The following LRRC9 variants were observed in gnomAD, a reference collection of about 807,000 sequenced individuals.
The protein encoded by LRRC9 is leucine rich repeat containing 9.
Under a neutral mutation model 63.2 loss-of-function variants are expected in LRRC9, and 122 were observed. That is an observed-to-expected ratio of 1.93 (90% CI 1.67 to 2.24). The LOEUF (loss-of-function observed/expected upper bound fraction) is 2.24. Among genes scored for constraint, LRRC9 ranks in the 30% most tolerant of loss-of-function variants. The probability of loss-of-function intolerance (pLI) is 0.00; values close to 1 mark genes in which losing one functional copy is unlikely to be tolerated. For synonymous variants in LRRC9, 366 were observed against 213.1 expected (o/e 1.72, Z -6.25); for missense variants, 1,071 against 627.7 (o/e 1.71, Z -7.55).
intron 18 of LRRC9, among the ~76,000 whole-genome samples, chr14:59,998,838 T>G (rs1358785270): frequency 2.0e-5 from 3 of 152,052 alleles, no homozygotes; most frequent in Admixed American, 6.6e-5. Flanking sequence ...GTTGTTCTTT[T>G]AACACTTTTC....
intron 29 of LRRC9, among the ~76,000 whole-genome samples, chr14:60,039,394 G>A (rs1892738061): frequency 6.6e-6 from 1 of 152,042 alleles, no homozygotes; most frequent in African/African-American, 2.4e-5. Flanking sequence ...TTCTGGTCTT[G>A]GACTTTTTTT....
At position 60,057,863 on chromosome 14, in the gene LRRC9, T is replaced by C. The variant is rs1894399651; in HGVS notation, c.4132-15T>C. The C allele has an allele frequency of 4.7e-6, 3 of 643,262 alleles. No individual in the cohort carries two copies. The highest frequency in any genetic ancestry group is 8.7e-6 in the Non-Finnish European group (3 of 343,952). The allele number at this position is 643,262 out of a possible 1,614,324, so 39.8% of individuals were successfully genotyped here. On this transcript the variant is annotated splice_polypyrimidine_tract_variant and intron_variant, in intron 30 of 31. Transcript: ENST00000445360. ...GGAGATGAGATGTTATTAACTGTTTTATTTTATTATGTAGCTTATTCCTGT... is the reference window on the plus strand; with the variant it reads ...GGAGATGAGATGTTATTAACTGTTTCATTTTATTATGTAGCTTATTCCTGT...
downstream of LRRC9, among the ~76,000 whole-genome samples, chr14:60,065,472 G>A (rs915106486): frequency 6.6e-6 from 1 of 150,388 alleles, no homozygotes; most frequent in Non-Finnish European, 1.5e-5. Flanking sequence ...ACAAGGCAAA[G>A]CCCCATCCCT....
At chr14:59,924,163 C>T (rs1308906188) in intron 1 of LRRC9, among the ~76,000 whole-genome samples, 1 of 152,138 alleles carries the variant, frequency 6.6e-6, no homozygotes, top group African/African-American at 2.4e-5. Context: ...TGAAGGGAAG[C>T]GTTTGTCCTT....
intron 17 of LRRC9, among the ~76,000 whole-genome samples, chr14:59,991,250 G>A (rs760621466): frequency 6.6e-6 from 1 of 152,058 alleles, no homozygotes; most frequent in Non-Finnish European, 1.5e-5. Flanking sequence ...TACTAAAATG[G>A]ACAATTTCTA....
chr14:60,048,328 T>G (rs1490844868), intron 29 of LRRC9, among the ~76,000 whole-genome samples: 1 of 151,782 alleles, frequency 6.6e-6, no homozygotes, highest in Non-Finnish European at 1.5e-5. Flanking sequence ...GAAAATCCCT[T>G]CAAAAAATCA....
intron 23 of LRRC9, among the ~76,000 whole-genome samples, chr14:60,008,491 A>C (rs949676554): frequency 6.6e-6 from 1 of 152,186 alleles, no homozygotes; most frequent in African/African-American, 2.4e-5. Context: ...ACACAATTTT[A>C]TGGGACAGGA....
intron 17 of LRRC9, among the ~76,000 whole-genome samples, chr14:59,988,361 G>A (rs1035550174): frequency 7.9e-5 from 12 of 152,158 alleles, no homozygotes; most frequent in Admixed American, 5.2e-4. Flanking sequence ...TGTTGCATGC[G>A]TGCACGCATG....
chr14:59,931,954 G>A lies in LRRC9; in HGVS notation c.473-15G>A, dbSNP rs1020893645. ...AAGGTAAAATAATTGAATTCTTTTC[G>A]TCTATTTTTTAAAGGTCGATGTCTT... On this transcript the variant is annotated splice_polypyrimidine_tract_variant and intron_variant, in intron 5 of 31. Transcript: ENST00000445360. 6.7e-5 allele frequency: 47 copies of A among 696,888 alleles called. No individual in the cohort carries two copies. Among genetic ancestry groups the A allele is most frequent in the Non-Finnish European group, 9.9e-5 (38 of 382,774 alleles). 43.2% of individuals were successfully genotyped at this position (696,888 alleles called of 1,614,324 possible). A position where few individuals can be genotyped will look rare whatever the true frequency, so the allele number is the denominator to read the frequency against.
chr14:59,937,566 T>A (rs558764505), intron 6 of LRRC9, among the ~76,000 whole-genome samples: 155 of 152,156 alleles, frequency 1.0e-3, no homozygotes, highest in African/African-American at 3.6e-3. Flanking sequence ...AGGAGCAGCA[T>A]GAGTAAAGGT....
chr14:59,999,415 A>G (rs1325163104), intron 19 of LRRC9, among the ~76,000 whole-genome samples, 189 bp downstream of exon 19: 1 of 152,038 alleles, frequency 6.6e-6, no homozygotes, highest in African/African-American at 2.4e-5. Flanking sequence ...AAATCGTTGT[A>G]TGGATTCTCT....
At chr14:60,061,907 T>C (rs924186368) in intron 31 of LRRC9, 104 bp from the exon 32 acceptor site, 3 of 396,152 alleles carry the variant, frequency 7.6e-6, no homozygotes, top group Non-Finnish European at 1.3e-5. Context: ...TTGCATACAT[T>C]CCGCTGAAGG....
chr14:60,004,215 A>C lies in LRRC9; in HGVS notation c.2842+417A>C, dbSNP rs536035687. Among the ~76,000 whole-genome samples, 4 of 152,178 alleles carry C rather than the reference A, an allele frequency of 2.6e-5. No homozygotes were observed. Among genetic ancestry groups the C allele is most frequent in the Non-Finnish European group, 4.4e-5 (3 of 68,008 alleles). ...TTATAATCTGTTACCAAACATTAGC[A>C]CATACCAACTAGTTAGTCATTAATG... is the stretch of plus-strand genomic sequence containing the variant. On this transcript the variant is annotated intron_variant, in intron 21 of 31. Transcript: ENST00000445360. The surrounding 1 kb of genome is among the most constrained non-coding windows in gnomAD (Gnocchi z 4.8).
At chr14:59,940,292 T>A (rs1253306726) in intron 7 of LRRC9, among the ~76,000 whole-genome samples, 1 of 152,126 alleles carries the variant, frequency 6.6e-6, no homozygotes, top group Admixed American at 6.6e-5. Context: ...CAGACCAAAA[T>A]GATTTTCAAA....
In LRRC9 at chr14:59,990,970, A is replaced by G. The variant is rs1888027283; in HGVS notation, c.2211+5746A>G. Among the ~76,000 whole-genome samples the G allele has an allele frequency of 6.6e-6, 1 of 152,204 alleles. No homozygotes were observed. Among genetic ancestry groups the G allele is most frequent in the African/African-American group, 2.4e-5 (1 of 41,458 alleles). ...TTGGAGCCTATAGAGCAACCTTGTC[A>G]TGTAGTTTTGTTGTAAACATTGTCC... On this transcript the variant is annotated intron_variant, in intron 17 of 31. Coordinates refer to ENST00000445360, the Ensembl canonical transcript of LRRC9. This position sits in a 1 kb window ranked among gnomAD's most constrained non-coding sequence, Gnocchi z 4.2.
Position 60,051,824 on chromosome 14 carries a change from C to T in LRRC9, c.3991-1241C>T, listed in dbSNP as rs997365675. ...ACCCAAAGCCCTGGAGACATGGGCTCACAAGGGGATCTCCCAATTTGTGGG... is the reference window on the plus strand; with the variant it reads ...ACCCAAAGCCCTGGAGACATGGGCTTACAAGGGGATCTCCCAATTTGTGGG... On this transcript the variant is annotated intron_variant, in intron 29 of 31. Transcript: ENST00000445360. The surrounding 1 kb of genome is among the most constrained non-coding windows in gnomAD (Gnocchi z 4.7). Among the ~76,000 whole-genome samples the T allele has an allele frequency of 8.5e-5, 13 of 152,200 alleles. No homozygotes were observed. The highest frequency in any genetic ancestry group is 3.1e-4 in the African/African-American group (13 of 41,444).
At position 59,975,130 on chromosome 14, in the gene LRRC9, T is replaced by TAC. The variant is rs1886080435; in HGVS notation, c.1639+423_1639+424insCA. Reference sequence around the variant, plus strand: ...ATATATATGTATATATATATATGTATATATATATACATATATATATGTATA... The same window carrying TAC: ...ATATATATGTATATATATATATGTATACATATATATACATATATATATGTATA... On this transcript the variant is annotated intron_variant, in intron 13 of 31. Transcript: ENST00000445360. Among the ~76,000 whole-genome samples, 2 of 11,562 alleles carry TAC rather than the reference T, an allele frequency of 1.7e-4. 1 individual carries two copies. The highest frequency in any genetic ancestry group is 3.0e-4 in the African/African-American group (2 of 6,568). The allele number at this position is 11,562 out of a possible 152,430, so 7.6% of individuals were successfully genotyped here. A position where few individuals can be genotyped will look rare whatever the true frequency, so the allele number is the denominator to read the frequency against.
rs755920814 is a variant in LRRC9 at position 60,053,205 on chromosome 14, G to A, written c.4131G>A (p.Ser1377=). The change falls in exon 30 of 32, where the codon TCG becomes TCA. Residue 1377 remains serine (S), a splice_region_variant and synonymous_variant. Coordinates refer to ENST00000445360, the Ensembl canonical transcript of LRRC9. This position sits in a 1 kb window ranked among gnomAD's most constrained non-coding sequence, Gnocchi z 4.8. ...CTGAACTACAAGCAAAGAAAAACTC[G>A]GTAATAATTATATTATTTACAATTT... The A allele has an allele frequency of 1.0e-5, 7 of 694,616 alleles. No homozygotes were observed. Among genetic ancestry groups the A allele is most frequent in the South Asian group, 3.0e-5 (2 of 65,622 alleles). 43.0% of individuals were successfully genotyped at this position (694,616 alleles called of 1,614,324 possible). A position where few individuals can be genotyped will look rare whatever the true frequency, so the allele number is the denominator to read the frequency against.
intron 7 of LRRC9, among the ~76,000 whole-genome samples, chr14:59,943,290 T>C (rs1881988860): frequency 6.6e-6 from 1 of 152,142 alleles, no homozygotes; most frequent in South Asian, 2.1e-4. Context: ...TTTCAAGTTT[T>C]ACATTTAAGT....
Sources: gnomAD v4.1 joint callset for allele counts (sites outside exome capture counted in the v4.1 genomes callset) on GRCh38, gnomAD v4.1.1 for gene constraint, Gnocchi (gnomAD v3.1) non-coding constraint, MANE v1.5 for transcripts, NCBI Gene and HGNC (gene_info 2026-07-23, HGNC 2026-07-21) for gene names.